Variants in TTC29 observed in about 807,000 individuals in gnomAD.
TTC29 encodes tetratricopeptide repeat domain 29.
In TTC29, 49 loss-of-function variants were observed where a neutral mutation model predicts 58.1. The observed-to-expected ratio is 0.84, with a 90% CI of 0.67 to 1.07. The LOEUF is 1.07. Among genes scored for constraint, TTC29 ranks in the 50% least tolerant of loss-of-function variants. TTC29 has a pLI of 0.00. For missense variants in TTC29, 582 were observed against 555.6 expected (o/e 1.05, Z -0.48); for synonymous variants, 209 against 196.8 (o/e 1.06, Z -0.52).
intron 11 of TTC29, among the ~76,000 whole-genome samples, chr4:146,794,277 C>A (rs1210447295): frequency 2.0e-5 from 3 of 152,070 alleles, no homozygotes; most frequent in Non-Finnish European, 4.4e-5. Flanking sequence ...ATTATAATAG[C>A]CTGCTCATCC....
At chr4:146,751,782 C>T (rs1746017540) in intron 11 of TTC29, among the ~76,000 whole-genome samples, 1 of 151,824 alleles carries the variant, frequency 6.6e-6, no homozygotes, top group African/African-American at 2.4e-5. Flanking sequence ...TAACATTATA[C>T]CTCCAGGAAC....
chr4:146,761,961 AAAAAACAAAAAC>A (rs901914626), intron 11 of TTC29, among the ~76,000 whole-genome samples: 3 of 151,928 alleles, frequency 2.0e-5, no homozygotes, highest in African/African-American at 7.2e-5. Context: ...AGCAGATTTA[AAAAAACAAAAAC>A]AAAAACAAAA....
At chr4:146,895,998 A>G (rs1437037778) in intron 6 of TTC29, among the ~76,000 whole-genome samples, 2 of 152,226 alleles carry the variant, frequency 1.3e-5, no homozygotes, top group Admixed American at 1.3e-4. Flanking sequence ...TTAAAAATGC[A>G]GATAAAAATT....
intron 11 of TTC29, among the ~76,000 whole-genome samples, chr4:146,797,892 G>A (rs1286256354): frequency 1.4e-5 from 2 of 140,422 alleles, no homozygotes; most frequent in Non-Finnish European, 3.0e-5. Flanking sequence ...TCTCCTTTGG[G>A]GCCTCCAATT....
intron 6 of TTC29, among the ~76,000 whole-genome samples, chr4:146,886,692 T>A (rs187016003): frequency 3.9e-5 from 6 of 152,170 alleles, no homozygotes; most frequent in African/African-American, 7.2e-5. Flanking sequence ...CCTTTTCTTA[T>A]CATACTTTTA....
intron 10 of TTC29, among the ~76,000 whole-genome samples, chr4:146,809,125 A>G (rs572190045): frequency 2.7e-5 from 4 of 150,046 alleles, no homozygotes; most frequent in Non-Finnish European, 4.4e-5. Flanking sequence ...TGACAAAAAC[A>G]AGCAATGGGG....
chr4:146,909,592 ACAAGT>A (rs555601222), intron 4 of TTC29, among the ~76,000 whole-genome samples: 101 of 152,146 alleles, frequency 6.6e-4, no homozygotes, highest in African/African-American at 2.3e-3. Context: ...AAAAACCTCA[ACAAGT>A]CAAGCAAAAA....
intron 11 of TTC29, among the ~76,000 whole-genome samples, chr4:146,733,615 C>A (rs1359206043): frequency 6.6e-6 from 1 of 152,070 alleles, no homozygotes; most frequent in East Asian, 1.9e-4. Context: ...AAATAGGTGA[C>A]TTATTATTTA....
intron 11 of TTC29, among the ~76,000 whole-genome samples, chr4:146,785,008 T>A (rs973772858): frequency 1.3e-5 from 2 of 152,222 alleles, no homozygotes; most frequent in Non-Finnish European, 2.9e-5. Flanking sequence ...CTATTGAGTT[T>A]GTAAGATCCT....
chr4:146,828,236 C>T (rs544015131), intron 9 of TTC29, among the ~76,000 whole-genome samples: 58 of 151,746 alleles, frequency 3.8e-4, no homozygotes, highest in Non-Finnish European at 6.6e-4. Context: ...AGAGGTTCAC[C>T]GATTATTTTA....
intron 11 of TTC29, among the ~76,000 whole-genome samples, chr4:146,792,058 C>T (rs1276942504): frequency 6.6e-6 from 1 of 152,164 alleles, no homozygotes; most frequent in Admixed American, 6.5e-5. Flanking sequence ...ACAACAAATG[C>T]TAATGGAGAA....
intron 2 of TTC29, among the ~76,000 whole-genome samples, chr4:146,942,395 G>A (rs182508450): frequency 4.6e-5 from 7 of 152,190 alleles, no homozygotes; most frequent in Admixed American, 6.5e-5. Context: ...ACTTCATAAC[G>A]TAATGACAAT....
chr4:146,715,577 T>G (rs567344749), intron 11 of TTC29, among the ~76,000 whole-genome samples: 1 of 151,770 alleles, frequency 6.6e-6, no homozygotes, highest in African/African-American at 2.4e-5. Context: ...CTCTTGGAAG[T>G]AGAGAATAGG....
At position 146,922,559 on chromosome 4, in the gene TTC29, A is replaced by G. The variant is rs550440400; in HGVS notation, c.177-13310T>C. Among the ~76,000 whole-genome samples the G allele has an allele frequency of 3.9e-5, 6 of 151,940 alleles. No homozygotes were observed. The South Asian group carries it at 1.0e-3, about 26-fold the overall frequency. On this transcript the variant is annotated intron_variant, in intron 4 of 12. Transcript: ENST00000325106. Reference sequence around the variant, plus strand: ...CCAGGTGCTGTTTTCAATACTTTACATGTAATTAGCCTATTTAAACCTGAC... The same window carrying G: ...CCAGGTGCTGTTTTCAATACTTTACGTGTAATTAGCCTATTTAAACCTGAC...
chr4:146,917,175 A>G (rs1734277829), intron 4 of TTC29, among the ~76,000 whole-genome samples: 1 of 150,908 alleles, frequency 6.6e-6, no homozygotes, highest in Admixed American at 6.6e-5. Flanking sequence ...AGTAGAATTT[A>G]TTATACTTGG....
intron 10 of TTC29, among the ~76,000 whole-genome samples, chr4:146,810,833 C>T (rs1750974995): frequency 6.6e-6 from 1 of 151,990 alleles, no homozygotes; most frequent in African/African-American, 2.4e-5. Context: ...CTCAAGTGAT[C>T]CACCCGCCTC....
At chr4:146,773,535 G>A (rs1042208254) in intron 11 of TTC29, among the ~76,000 whole-genome samples, 1 of 152,140 alleles carries the variant, frequency 6.6e-6, no homozygotes, top group African/African-American at 2.4e-5. Context: ...ATCTGCATGT[G>A]TTGAACCAAT....
At chr4:146,917,371 TTA>T (rs981411788) in intron 4 of TTC29, among the ~76,000 whole-genome samples, 6 of 140,156 alleles carry the variant, frequency 4.3e-5, no homozygotes, top group East Asian at 2.2e-4. Flanking sequence ...TTTTATAATA[TTA>T]TGTTATGACT....
intron 10 of TTC29, among the ~76,000 whole-genome samples, chr4:146,806,296 C>T (rs1750610112): frequency 6.6e-6 from 1 of 152,140 alleles, no homozygotes; most frequent in Admixed American, 6.5e-5. Context: ...TTGTAAAGAC[C>T]ATCAACACTA....
Sources: gnomAD v4.1 joint callset for allele counts (sites outside exome capture counted in the v4.1 genomes callset) on GRCh38, gnomAD v4.1.1 for gene constraint, MANE v1.5 for transcripts, NCBI Gene and HGNC (gene_info 2026-07-23, HGNC 2026-07-21) for gene names.